Variants in KIRREL3 observed in about 807,000 individuals in gnomAD.
KIRREL3 encodes kirre like nephrin family adhesion molecule 3, also known as kin of IRRE-like protein 3.
A neutral mutation model predicts 89.7 loss-of-function variants in KIRREL3; 36 were observed. That is an observed-to-expected ratio of 0.40 (90% CI 0.31 to 0.53). The LOEUF (loss-of-function observed/expected upper bound fraction) is 0.53, where lower values mean the gene tolerates loss of function less well. Ranked by LOEUF, KIRREL3 falls within the 20% of genes least tolerant of loss-of-function variation. The probability of loss-of-function intolerance (pLI) is 0.49; values close to 1 mark genes in which losing one functional copy is unlikely to be tolerated. For missense variants in KIRREL3, 864 were observed against 1,056.6 expected, an observed-to-expected ratio of 0.82 and a Z score of 2.53; for synonymous variants, 445 against 441.4, an observed-to-expected ratio of 1.01 and a Z score of -0.10.
rs1565603146 is a variant in KIRREL3 at position 126,627,377 on chromosome 11, GC to G, written c.56-64466del. Among the ~76,000 whole-genome samples, 1 of 152,176 alleles carries G rather than the reference GC, an allele frequency of 6.6e-6. No homozygotes were observed. Among genetic ancestry groups the G allele is most frequent in the Non-Finnish European group, 1.5e-5 (1 of 68,028 alleles). On this transcript the variant is annotated intron_variant, in intron 1 of 16. Coordinates refer to ENST00000525144, the MANE Select transcript of KIRREL3 (RefSeq NM_032531.4). The surrounding 1 kb of genome is among the most constrained non-coding windows in gnomAD (Gnocchi z 5.0). ...GACCTGGTCTGTGTTCCTATAGGCCGCCCTTTAGGCAAACCTTATTGCTTAG... is the reference window on the plus strand; with the variant it reads ...GACCTGGTCTGTGTTCCTATAGGCCGCCTTTAGGCAAACCTTATTGCTTAG...
rs1940905416 is a variant in KIRREL3 at position 126,571,192 on chromosome 11, C to T, written c.56-8280G>A. On this transcript the variant is annotated intron_variant, in intron 1 of 16. Transcript: ENST00000525144. The surrounding 1 kb of genome is among the most constrained non-coding windows in gnomAD (Gnocchi z 7.7). ...TTGGGCTGGCTTTTTGATACCTTGCCTAGCTCTTATCATCTTTCTCTCCTT... is the reference window on the plus strand; with the variant it reads ...TTGGGCTGGCTTTTTGATACCTTGCTTAGCTCTTATCATCTTTCTCTCCTT... 6.6e-6 allele frequency among the ~76,000 whole-genome samples: 1 copy of T among 152,206 alleles called. No individual in the cohort carries two copies. The highest frequency in any genetic ancestry group is 1.5e-5 in the Non-Finnish European group (1 of 68,034).
Position 126,805,649 on chromosome 11 carries a change from C to T in KIRREL3, c.55+194806G>A. Reference sequence around the variant, plus strand: ...ATTTATTTTCAGGGTGATTGCTAAACTCCACAGTACAAAGTATGTAATAGA... The same window carrying T: ...ATTTATTTTCAGGGTGATTGCTAAATTCCACAGTACAAAGTATGTAATAGA... On this transcript the variant is annotated intron_variant, in intron 1 of 16. Coordinates refer to ENST00000525144, the MANE Select transcript of KIRREL3 (RefSeq NM_032531.4). This position sits in a 1 kb window ranked among gnomAD's most constrained non-coding sequence, Gnocchi z 4.3. Among the ~76,000 whole-genome samples the T allele has an allele frequency of 6.6e-6, 1 of 152,140 alleles. No individual in the cohort carries two copies. Among genetic ancestry groups the T allele is most frequent in the East Asian group, 1.9e-4 (1 of 5,200 alleles).
chr11:126,801,086 C>T (rs111263995), intron 1 of KIRREL3, among the ~76,000 whole-genome samples: 6 of 152,222 alleles, frequency 3.9e-5, no homozygotes, highest in African/African-American at 1.4e-4. Flanking sequence ...TTAGAAAAAC[C>T]TTGATTAACT....
In KIRREL3 at chr11:126,456,844, A is replaced by G; in HGVS notation, c.743-390T>C. 1.3e-5 allele frequency among the ~76,000 whole-genome samples: 2 copies of G among 152,170 alleles called. 1 individual carries two copies. Among genetic ancestry groups the G allele is most frequent in the Admixed American group, 1.3e-4 (2 of 15,278 alleles). On this transcript the variant is annotated intron_variant, in intron 6 of 16. Transcript: ENST00000525144. ...CGCTTCAGTGCAGACTGTCTTTGAAATGTCTGTTTATTATCTCTTTTCCGT... is the reference window on the plus strand; with the variant it reads ...CGCTTCAGTGCAGACTGTCTTTGAAGTGTCTGTTTATTATCTCTTTTCCGT...
chr11:126,685,088 G>T lies in KIRREL3; in HGVS notation c.56-122176C>A, dbSNP rs1946618120. 6.6e-6 allele frequency among the ~76,000 whole-genome samples: 1 copy of T among 152,164 alleles called. No individual in the cohort carries two copies. Reference sequence around the variant, plus strand: ...AAAGGCAGGTTGGAGGAAATACAAAGATGAAGGACATAGTCAATCTCTTCA... The same window carrying T: ...AAAGGCAGGTTGGAGGAAATACAAATATGAAGGACATAGTCAATCTCTTCA... On this transcript the variant is annotated intron_variant, in intron 1 of 16. Coordinates refer to ENST00000525144, the MANE Select transcript of KIRREL3 (RefSeq NM_032531.4). The surrounding 1 kb of genome is among the most constrained non-coding windows in gnomAD (Gnocchi z 5.5).
intron 1 of KIRREL3, among the ~76,000 whole-genome samples, chr11:126,756,474 TC>T (rs1949504822): frequency 3.9e-5 from 6 of 152,224 alleles, no homozygotes; most frequent in Admixed American, 3.9e-4. Flanking sequence ...GTATGGCAGG[TC>T]CCTTAGAAGG....
At position 126,970,089 on chromosome 11, in the gene KIRREL3, G is replaced by C. The variant is rs539415113; in HGVS notation, c.55+30366C>G. ...CTGCCCTAGGTTGTCACCTAGGGAC[G>C]GAACAGGAAAATGCAGCCTCTCTAC... On this transcript the variant is annotated intron_variant, in intron 1 of 16. Coordinates refer to ENST00000525144, the MANE Select transcript of KIRREL3 (RefSeq NM_032531.4). This position sits in a 1 kb window ranked among gnomAD's most constrained non-coding sequence, Gnocchi z 4.4. 6.6e-6 allele frequency among the ~76,000 whole-genome samples: 1 copy of C among 152,268 alleles called. No individual in the cohort carries two copies. The highest frequency in any genetic ancestry group is 2.1e-4 in the South Asian group (1 of 4,820).
In KIRREL3 at chr11:126,772,647, G is replaced by C. The variant is rs905776111; in HGVS notation, c.56-209735C>G. ...GTTGCTAACTCATGTTTGTCAAAAA[G>C]CATCCCTCTCCTGGTACTCATGCCC... is the stretch of plus-strand genomic sequence containing the variant. On this transcript the variant is annotated intron_variant, in intron 1 of 16. Transcript: ENST00000525144. The surrounding 1 kb of genome is among the most constrained non-coding windows in gnomAD (Gnocchi z 4.6). Among the ~76,000 whole-genome samples, 1 of 152,172 alleles carries C rather than the reference G, an allele frequency of 6.6e-6. No homozygotes were observed. The highest frequency in any genetic ancestry group is 2.4e-5 in the African/African-American group (1 of 41,456).
chr11:126,683,713 CTGA>C lies in KIRREL3; in HGVS notation c.56-120804_56-120802del, dbSNP rs1399255468. Among the ~76,000 whole-genome samples the C allele has an allele frequency of 6.6e-6, 1 of 152,222 alleles. No homozygotes were observed. The highest frequency in any genetic ancestry group is 6.5e-5 in the Admixed American group (1 of 15,290). ...AGGATAGAAGCTGAAAATCAGTGTG[CTGA>C]TATCACCCCTTTTGTCTATGAGGAG... On this transcript the variant is annotated intron_variant, in intron 1 of 16. Coordinates refer to ENST00000525144, the MANE Select transcript of KIRREL3 (RefSeq NM_032531.4). The surrounding 1 kb of genome is among the most constrained non-coding windows in gnomAD (Gnocchi z 5.2).
At chr11:126,973,615 T>G (rs1238240366) in intron 1 of KIRREL3, among the ~76,000 whole-genome samples, 1 of 152,200 alleles carries the variant, frequency 6.6e-6, no homozygotes, top group African/African-American at 2.4e-5. Flanking sequence ...GACAGAAAAC[T>G]CAACTTCAGA....
intron 16 of KIRREL3, 137 bp downstream of exon 16, chr11:126,425,501 G>C: frequency 1.3e-6 from 1 of 744,144 alleles, no homozygotes. Context: ...GGCAGGGACG[G>C]GCACCTGCCA....
chr11:126,781,384 A>G (rs1950320008), intron 1 of KIRREL3, among the ~76,000 whole-genome samples: 1 of 152,174 alleles, frequency 6.6e-6, no homozygotes, highest in African/African-American at 2.4e-5. Context: ...ATAATTTAAA[A>G]CACCCATTAT....
At chr11:126,841,518 G>A (rs1178613877) in intron 1 of KIRREL3, among the ~76,000 whole-genome samples, 4 of 152,234 alleles carry the variant, frequency 2.6e-5, no homozygotes, top group Admixed American at 6.5e-5. Context: ...GGCACCATAA[G>A]ATTGCTGTAA....
Position 126,521,607 on chromosome 11 carries a change from T to C in KIRREL3, c.284-143A>G. ...TGATTGCTCAGGGCTCTGATCTCAG[T>C]GCAAGGAGCACAAATGCAAGAGCTT... On this transcript the variant is annotated intron_variant, in intron 3 of 16. Coordinates refer to ENST00000525144, the MANE Select transcript of KIRREL3 (RefSeq NM_032531.4). The surrounding 1 kb of genome is among the most constrained non-coding windows in gnomAD (Gnocchi z 4.1). 7 of 703,730 alleles carry C rather than the reference T, an allele frequency of 9.9e-6. No homozygotes were observed. The highest frequency in any genetic ancestry group is 1.6e-5 in the Non-Finnish European group (7 of 427,864). The allele number at this position is 703,730 out of a possible 1,614,324, so 43.6% of individuals were successfully genotyped here. A position where few individuals can be genotyped will look rare whatever the true frequency, so the allele number is the denominator to read the frequency against.
intron 1 of KIRREL3, among the ~76,000 whole-genome samples, chr11:126,874,550 T>C (rs891653517): frequency 2.6e-5 from 4 of 152,148 alleles, no homozygotes; most frequent in African/African-American, 4.8e-5. Flanking sequence ...TCTGCTCCAT[T>C]TGGATTCTGA....
intron 1 of KIRREL3, among the ~76,000 whole-genome samples, chr11:126,800,145 G>A (rs1321351625): frequency 1.3e-5 from 2 of 152,188 alleles, no homozygotes; most frequent in Non-Finnish European, 2.9e-5. Flanking sequence ...TTATGACTCA[G>A]GTCTGGCATC....
At chr11:126,675,563 G>C (rs376906794) in intron 1 of KIRREL3, among the ~76,000 whole-genome samples, 2 of 152,170 alleles carry the variant, frequency 1.3e-5, no homozygotes, top group African/African-American at 4.8e-5. Flanking sequence ...GGGGATCTGG[G>C]GGTGGTGGAG....
rs1344472678 is a variant in KIRREL3, at chr11:126,626,869, G to A, written c.56-63957C>T. On this transcript the variant is annotated intron_variant, in intron 1 of 16. Transcript: ENST00000525144. ...CTAAAAATTCAAAAATTAGCCAGGCGTGGTGGCGCATGCCTGTAATCCCAG... is the reference window on the plus strand; with the variant it reads ...CTAAAAATTCAAAAATTAGCCAGGCATGGTGGCGCATGCCTGTAATCCCAG... Among the ~76,000 whole-genome samples the A allele has an allele frequency of 2.6e-5, 4 of 152,074 alleles. No individual in the cohort carries two copies. In the East Asian group the frequency reaches 7.7e-4, roughly 29 times the overall value.
At chr11:126,861,867 A>T (rs1445177504) in intron 1 of KIRREL3, among the ~76,000 whole-genome samples, 1 of 152,236 alleles carries the variant, frequency 6.6e-6, no homozygotes, top group East Asian at 1.9e-4. Context: ...GTCTGGGGGC[A>T]CATGGACTGT....
Sources: allele counts gnomAD v4.1 joint callset (sites outside exome capture counted in the v4.1 genomes callset), GRCh38; gene constraint gnomAD v4.1.1; non-coding constraint Gnocchi (gnomAD v3.1); transcripts MANE v1.5; gene names NCBI Gene and HGNC (gene_info 2026-07-23, HGNC 2026-07-21).